The following RNF141 variants were observed in gnomAD, a reference collection of about 807,000 sequenced individuals.
RNF141 encodes C3HC4-like zinc finger protein.
Under a neutral mutation model 27.4 loss-of-function variants are expected in RNF141, and 18 were observed. The ratio of observed to expected loss-of-function variants is 0.66; its 90% CI spans 0.45 to 0.97. The LOEUF (loss-of-function observed/expected upper bound fraction) is 0.97, where lower values mean the gene tolerates loss of function less well. Ranked by LOEUF, RNF141 falls within the 50% of genes least tolerant of loss-of-function variation. The pLI, the probability that RNF141 is intolerant of heterozygous loss-of-function variation, is 0.00. For missense variants in RNF141, 230 were observed against 279.4 expected (o/e 0.82, Z 1.26); for synonymous variants, 97 against 96.6 (o/e 1.00, Z -0.02).
At chr11:10,540,560 C>A (rs1004495243) in intron 1 of RNF141, among the ~76,000 whole-genome samples, 5 of 152,178 alleles carry the variant, frequency 3.3e-5, no homozygotes, top group Non-Finnish European at 7.3e-5. Context: ...CAAGGAAAGA[C>A]CTTTGGGAAG....
intron 4 of RNF141, among the ~76,000 whole-genome samples, chr11:10,521,743 C>T (rs1182636478): frequency 6.6e-6 from 1 of 152,138 alleles, no homozygotes; most frequent in African/African-American, 2.4e-5. Context: ...ATTCTAGGTG[C>T]ATAAACAAAG....
Position 10,514,884 on chromosome 11 carries a change from C to T in RNF141, c.*32G>A, listed in dbSNP as rs199623600. ...TCCCCCATGACCAAATATTTGAGCC[C>T]ACAATAGCAACAGAAGACTTTCACT... On this transcript the variant is annotated 3_prime_UTR_variant, in exon 6 of 6. Transcript: ENST00000265981. 49 of 1,581,178 alleles carry T rather than the reference C, an allele frequency of 3.1e-5. No individual in the cohort carries two copies. In the East Asian group the frequency reaches 9.9e-4, roughly 32 times the overall value.
rs541361039 is a variant in RNF141, at chr11:10,514,902, C to T, written c.*14G>A. 171 of 1,598,358 alleles carry T rather than the reference C, an allele frequency of 1.1e-4. No individual in the cohort carries two copies. The highest frequency in any genetic ancestry group is 8.8e-4 in the South Asian group (78 of 88,518). On this transcript the variant is annotated 3_prime_UTR_variant, in exon 6 of 6. Coordinates refer to ENST00000265981, the MANE Select transcript of RNF141 (RefSeq NM_016422.4). ...TTGAGCCCACAATAGCAACAGAAGA[C>T]TTTCACTTCAAGGTCATGGCCTGTG...
At chr11:10,522,677 G>T (rs1368493676) in intron 4 of RNF141, among the ~76,000 whole-genome samples, 1 of 152,214 alleles carries the variant, frequency 6.6e-6, no homozygotes, top group Non-Finnish European at 1.5e-5. Flanking sequence ...AAAGAGAACA[G>T]ATTTGTTTGG....
At chr11:10,532,520 CACACACACACACACACA>C (rs1849996058) in intron 2 of RNF141, among the ~76,000 whole-genome samples, 8 of 146,230 alleles carry the variant, frequency 5.5e-5, no homozygotes, top group African/African-American at 1.7e-4. Flanking sequence ...CACACACACA[CACACACACACACACACA>C]CCCCACAACT....
intron 3 of RNF141, among the ~76,000 whole-genome samples, chr11:10,526,672 A>G (rs1198075954): frequency 6.6e-6 from 1 of 152,080 alleles, no homozygotes; most frequent in Non-Finnish European, 1.5e-5. Context: ...AGTCCCAGCT[A>G]CTTGGGAAGC....
In RNF141 at chr11:10,512,700, T is replaced by C. The variant is rs970624788; in HGVS notation, c.*2216A>G. ...CCCAAGGTTTTCAAAATATGTTCCA[T>C]GGAATACTAAGAATCTATGGAGGAG... is the stretch of plus-strand genomic sequence containing the variant. On this transcript the variant is annotated 3_prime_UTR_variant, in exon 6 of 6. Transcript: ENST00000265981. 2.0e-5 allele frequency: 3 copies of C among 152,184 alleles called. No homozygotes were observed. Among genetic ancestry groups the C allele is most frequent in the African/African-American group, 2.4e-5 (1 of 41,430 alleles). The allele number at this position is 152,184 out of a possible 1,614,324, so 9.4% of individuals were successfully genotyped here. A position where few individuals can be genotyped will look rare whatever the true frequency, so the allele number is the denominator to read the frequency against.
At chr11:10,539,105 C>A (rs1850062465) in intron 1 of RNF141, among the ~76,000 whole-genome samples, 1 of 152,078 alleles carries the variant, frequency 6.6e-6, no homozygotes, top group Non-Finnish European at 1.5e-5. Flanking sequence ...TCAAGGATTC[C>A]AAAAATGCCA....
At position 10,514,938 on chromosome 11, in the gene RNF141, G is replaced by A. The variant is rs764068847; in HGVS notation, c.671C>T (p.Ala224Val). The change falls in exon 6 of 6, where the codon GCA becomes GTA. Residue 224 changes from alanine (A) to valine (V), a missense_variant. Transcript: ENST00000265981. ...AGGTCATGGCCTGTGGGGCTGGCCT[G>A]CCTCATCAGCCATGTTAAGAATATA... ...ANYILNMADE[A>V]GQPHRP 8.7e-6 allele frequency: 14 copies of A among 1,613,090 alleles called. No individual in the cohort carries two copies. The Admixed American group carries it at 1.2e-4, about 13-fold the overall frequency.
chr11:10,532,096 T>C, intron 2 of RNF141: 3 of 367,226 alleles, frequency 8.2e-6, no homozygotes, highest in Non-Finnish European at 1.6e-5. Flanking sequence ...TTTTATCTAA[T>C]ACCTGTATCT....
At chr11:10,532,029 A>G in intron 2 of RNF141, 1 of 453,712 alleles carries the variant, frequency 2.2e-6, no homozygotes, top group Admixed American at 2.4e-5. Context: ...AATAAATAAA[A>G]GGAAGACCTC....
intron 2 of RNF141, among the ~76,000 whole-genome samples, chr11:10,532,537 A>AACACACC (rs1554904841): frequency 2.0e-4 from 19 of 95,076 alleles, no homozygotes; most frequent in African/African-American, 7.2e-4. Context: ...ACACACACAC[A>AACACACC]CCCCACAACT....
intron 1 of RNF141, among the ~76,000 whole-genome samples, chr11:10,534,852 T>G (rs1490489651): frequency 1.3e-5 from 2 of 152,180 alleles, no homozygotes; most frequent in Non-Finnish European, 2.9e-5. Context: ...TTACTTTATT[T>G]ATAGATGTGT....
rs147416594 is a variant in RNF141, at chr11:10,511,946, ATTAT to A, written c.*2966_*2969del. 1,387 of 152,786 alleles carry A rather than the reference ATTAT, an allele frequency of 9.1e-3. 8 individuals carry two copies. The highest frequency in any genetic ancestry group is 0.027 in the South Asian group (129 of 4,830). 9.5% of individuals were successfully genotyped at this position (152,786 alleles called of 1,614,324 possible). On this transcript the variant is annotated 3_prime_UTR_variant, in exon 6 of 6. Coordinates refer to ENST00000265981, the MANE Select transcript of RNF141 (RefSeq NM_016422.4). ...AATTAGCTAAAATCACTTGCGAAAG[ATTAT>A]TTATTGCACAATTTATCAGTGGGTA...
At chr11:10,524,686 C>CA (rs1849916701) in intron 4 of RNF141, among the ~76,000 whole-genome samples, 1 of 152,200 alleles carries the variant, frequency 6.6e-6, no homozygotes, top group Non-Finnish European at 1.5e-5. Flanking sequence ...CAAACATCAT[C>CA]AGAGAAAACT....
intron 4 of RNF141, among the ~76,000 whole-genome samples, chr11:10,519,750 C>G: frequency 6.8e-6 from 1 of 146,960 alleles, no homozygotes; most frequent in Non-Finnish European, 1.5e-5. Context: ...TGTGTAAATA[C>G]GGTATACAAG....
At chr11:10,525,964 G>T (rs1416882853) in intron 3 of RNF141, among the ~76,000 whole-genome samples, 1 of 152,132 alleles carries the variant, frequency 6.6e-6, no homozygotes, top group Non-Finnish European at 1.5e-5. Flanking sequence ...TACCTTTACA[G>T]GTTGTACCTC....
intron 3 of RNF141, among the ~76,000 whole-genome samples, chr11:10,528,934 GC>G (rs979272771): frequency 2.0e-5 from 3 of 152,198 alleles, no homozygotes; most frequent in African/African-American, 7.2e-5. Context: ...TAAATAATGT[GC>G]TGTTGGAATC....
At position 10,527,653 on chromosome 11, in the gene RNF141, G is replaced by T. The variant is rs891848829; in HGVS notation, c.253-2280C>A. 3.5e-4 allele frequency among the ~76,000 whole-genome samples: 53 copies of T among 152,114 alleles called. 1 individual carries two copies. Among genetic ancestry groups the T allele is most frequent in the South Asian group, 6.2e-4 (3 of 4,820 alleles). On this transcript the variant is annotated intron_variant, in intron 3 of 5. Transcript: ENST00000265981. Reference sequence around the variant, plus strand: ...AAGTGCATGAGAAGTCACGGGGGGGGGTTTTGAGCCAAGGAGTAATATGAT... The same window carrying T: ...AAGTGCATGAGAAGTCACGGGGGGGTGTTTTGAGCCAAGGAGTAATATGAT...
Sources: allele counts gnomAD v4.1 joint callset (sites outside exome capture counted in the v4.1 genomes callset), GRCh38; gene constraint gnomAD v4.1.1; transcripts MANE v1.5; gene names NCBI Gene and HGNC (gene_info 2026-07-23, HGNC 2026-07-21).